The following NTM variants were observed in gnomAD, a reference collection of about 807,000 sequenced individuals.
The protein encoded by NTM is IgLON family member 2.
A neutral mutation model predicts 42.1 loss-of-function variants in NTM; 13 were observed. That is an observed-to-expected ratio of 0.31 (90% confidence interval 0.20 to 0.49). The LOEUF (loss-of-function observed/expected upper bound fraction) is 0.49, where lower values mean the gene tolerates loss of function less well. Ranked by LOEUF, NTM falls within the 20% of genes least tolerant of loss-of-function variation. The pLI is 0.99. For synonymous variants in NTM, 187 were observed against 179.2 expected, an observed-to-expected ratio of 1.04 and a Z score of -0.35; for missense variants, 373 against 452.8, an observed-to-expected ratio of 0.82 and a Z score of 1.60.
chr11:132,333,810 A>C (rs1592105167), intron 8 of NTM, among the ~76,000 whole-genome samples: 1 of 152,338 alleles, frequency 6.6e-6, no homozygotes, highest in East Asian at 1.9e-4. Flanking sequence ...TTTATCCCAA[A>C]AGGCCAAGAC....
chr11:131,785,990 A>G (rs560113881), intron 1 of NTM, among the ~76,000 whole-genome samples: 65 of 152,302 alleles, frequency 4.3e-4, no homozygotes, highest in Non-Finnish European at 1.2e-4. Flanking sequence ...ATGGAAAGGA[A>G]GGTGTCATTC....
intron 1 of NTM, among the ~76,000 whole-genome samples, chr11:131,683,691 G>T (rs2073365258): frequency 6.6e-6 from 1 of 152,232 alleles, no homozygotes; most frequent in African/African-American, 2.4e-5. Context: ...GCTGGCACGA[G>T]TGAGGCGACC....
chr11:131,613,548 C>T (rs1053916061), intron 1 of NTM, among the ~76,000 whole-genome samples: 1 of 152,130 alleles, frequency 6.6e-6, no homozygotes, highest in African/African-American at 2.4e-5. Flanking sequence ...TTCTTTCAAA[C>T]CTAGTAAATA....
intron 3 of NTM, among the ~76,000 whole-genome samples, chr11:132,167,220 C>G (rs2075415561): frequency 6.6e-6 from 1 of 151,828 alleles, no homozygotes; most frequent in Admixed American, 6.6e-5. Flanking sequence ...TTCTTCTCTT[C>G]CTTTTGTTTT....
At chr11:131,520,288 G>A (rs1164672811) in intron 1 of NTM, among the ~76,000 whole-genome samples, 1 of 152,066 alleles carries the variant, frequency 6.6e-6, no homozygotes, top group Non-Finnish European at 1.5e-5. Flanking sequence ...CTGATAATCA[G>A]ATATTAAAAC....
chr11:132,113,503 A>G (rs1460882224), intron 2 of NTM, among the ~76,000 whole-genome samples: 1 of 152,066 alleles, frequency 6.6e-6, no homozygotes, highest in East Asian at 1.9e-4. Context: ...TTGCATTAGG[A>G]TGGAAGACCC....
intron 1 of NTM, among the ~76,000 whole-genome samples, chr11:131,505,718 C>T (rs996578280): frequency 2.0e-5 from 3 of 152,128 alleles, no homozygotes; most frequent in Non-Finnish European, 4.4e-5. Context: ...GACACGGTGG[C>T]CACTCAGCAG....
At chr11:132,329,348 G>A (rs2095754041) in intron 7 of NTM, among the ~76,000 whole-genome samples, 1 of 152,228 alleles carries the variant, frequency 6.6e-6, no homozygotes, top group African/African-American at 2.4e-5. Context: ...CACAGAAAAG[G>A]TGGAGAGACT....
intron 1 of NTM, chr11:131,795,478 G>A (rs373865382): frequency 1.2e-5 from 12 of 985,356 alleles, no homozygotes; most frequent in Non-Finnish European, 1.2e-6. Context: ...ATGATACCTG[G>A]TTGCCTCCAA....
chr11:131,461,308 A>G (rs1206327332), intron 1 of NTM, among the ~76,000 whole-genome samples: 1 of 152,204 alleles, frequency 6.6e-6, no homozygotes, highest in Non-Finnish European at 1.5e-5. Flanking sequence ...TGCCATAGAG[A>G]TACAGAAATC....
chr11:131,760,099 G>A (rs1048635734), intron 1 of NTM, among the ~76,000 whole-genome samples: 6 of 152,004 alleles, frequency 3.9e-5, no homozygotes, highest in Non-Finnish European at 8.8e-5. Flanking sequence ...TATTAAGTTG[G>A]GCAGAAAATT....
chr11:131,416,695 A>C (rs188454682), intron 1 of NTM, among the ~76,000 whole-genome samples: 1 of 152,352 alleles, frequency 6.6e-6, no homozygotes, highest in Admixed American at 6.5e-5. Flanking sequence ...TCTTACCATA[A>C]GATTTTCCAA....
At position 132,237,027 on chromosome 11, in the gene NTM, G is replaced by A. The variant is rs556332241; in HGVS notation, c.526+24880G>A. Among the ~76,000 whole-genome samples, 11 of 151,678 alleles carry A rather than the reference G, an allele frequency of 7.3e-5. No homozygotes were observed. In the East Asian group the frequency reaches 1.4e-3, roughly 19 times the overall value. On this transcript the variant is annotated intron_variant, in intron 4 of 8. Transcript: ENST00000683400. ...AGAGGACCCCAGTCCTCCACGATCTGGCCAGAAACCTCATGGAAGACCCTG... is the reference window on the plus strand; with the variant it reads ...AGAGGACCCCAGTCCTCCACGATCTAGCCAGAAACCTCATGGAAGACCCTG...
intron 1 of NTM, among the ~76,000 whole-genome samples, chr11:131,810,436 A>AC (rs944565484): frequency 9.2e-5 from 14 of 152,010 alleles, no homozygotes; most frequent in Non-Finnish European, 1.8e-4. Context: ...ATGGGTCTGC[A>AC]CCCCCCAATC....
intron 1 of NTM, among the ~76,000 whole-genome samples, chr11:131,727,746 C>T (rs1373683611): frequency 6.6e-6 from 1 of 152,094 alleles, no homozygotes; most frequent in African/African-American, 2.4e-5. Context: ...CTCTCCTTTA[C>T]CCATTTTTTA....
intron 3 of NTM, among the ~76,000 whole-genome samples, chr11:132,149,231 C>CAA (rs59485155): frequency 0.21 from 25,235 of 122,714 alleles, 2,609 homozygotes; most frequent in South Asian, 0.26. Context: ...TCCTGGATTA[C>CAA]AAAAAAAAAA....
intron 1 of NTM, among the ~76,000 whole-genome samples, chr11:131,486,017 T>G (rs1395722206): frequency 6.6e-6 from 1 of 152,022 alleles, no homozygotes; most frequent in Non-Finnish European, 1.5e-5. Context: ...AGAGTTGTCG[T>G]GAGGTTCAAT....
At chr11:131,787,410 T>C (rs1008850456) in intron 1 of NTM, among the ~76,000 whole-genome samples, 2 of 150,702 alleles carry the variant, frequency 1.3e-5, no homozygotes, top group Non-Finnish European at 1.5e-5. Context: ...AGACAGAGTC[T>C]CTCTCTGGCG....
At chr11:131,435,092 A>G (rs935706541) in intron 1 of NTM, among the ~76,000 whole-genome samples, 1 of 152,102 alleles carries the variant, frequency 6.6e-6, no homozygotes, top group East Asian at 1.9e-4. Flanking sequence ...TAAAGATCAG[A>G]TGGTTGTAGA....
Sources: allele counts gnomAD v4.1 joint callset (sites outside exome capture counted in the v4.1 genomes callset), GRCh38; gene constraint gnomAD v4.1.1; transcripts MANE v1.5; gene names NCBI Gene and HGNC (gene_info 2026-07-23, HGNC 2026-07-21).